Variants in SCHIP1 observed in about 807,000 individuals in gnomAD.
The protein encoded by SCHIP1 is schwannomin interacting protein 1.
Under a neutral mutation model 29.7 loss-of-function variants are expected in SCHIP1, and 8 were observed. That is an observed-to-expected ratio of 0.27 (90% CI 0.16 to 0.49). The LOEUF (loss-of-function observed/expected upper bound fraction) is 0.49. SCHIP1 is among the 20% of genes least tolerant of loss of function. SCHIP1 has a pLI of 0.99. For synonymous variants in SCHIP1, 76 were observed against 94.9 expected, an observed-to-expected ratio of 0.80 and a Z score of 1.16; for missense variants, 193 against 294.6, an observed-to-expected ratio of 0.66 and a Z score of 2.52.
the SCHIP1 span, among the ~76,000 whole-genome samples, chr3:159,476,899 TTCTG>T: frequency 4.6e-5 from 7 of 152,176 alleles, no homozygotes; most frequent in Admixed American, 6.6e-5. Context: ...TCAAAACTTA[TTCTG>T]TCTATCTGAA....
the SCHIP1 span, among the ~76,000 whole-genome samples, chr3:159,439,715 A>ATGGAGTT: frequency 1.3e-5 from 2 of 152,048 alleles, no homozygotes; most frequent in Non-Finnish European, 2.9e-5. Flanking sequence ...TCCTTTCCCC[A>ATGGAGTT]CTTTTTAATG....
the SCHIP1 span, among the ~76,000 whole-genome samples, chr3:159,664,347 G>A: frequency 6.3e-4 from 96 of 152,212 alleles, 1 homozygote; most frequent in South Asian, 0.019. Flanking sequence ...TAATATAGTA[G>A]TTATAGTCCC....
chr3:159,825,238 G>A, the SCHIP1 span, among the ~76,000 whole-genome samples: 1 of 152,092 alleles, frequency 6.6e-6, no homozygotes, highest in African/African-American at 2.4e-5. Flanking sequence ...ATTAAATTGG[G>A]GGCATCTAGT....
At chr3:159,570,784 A>C in the SCHIP1 span, among the ~76,000 whole-genome samples, 2 of 152,182 alleles carry the variant, frequency 1.3e-5, no homozygotes, top group Admixed American at 1.3e-4. Context: ...TGAGCATGGA[A>C]TATTCTTCCA....
the SCHIP1 span, among the ~76,000 whole-genome samples, chr3:159,627,804 T>C: frequency 6.6e-6 from 1 of 152,216 alleles, no homozygotes. Flanking sequence ...GAGAAATTTA[T>C]TGAGGCAATG....
the SCHIP1 span, among the ~76,000 whole-genome samples, chr3:159,324,638 G>A: frequency 6.6e-6 from 1 of 152,060 alleles, no homozygotes; most frequent in East Asian, 1.9e-4. Context: ...ATCAGGCCTG[G>A]GAATGTCTAA....
the SCHIP1 span, among the ~76,000 whole-genome samples, chr3:159,515,557 A>T: frequency 6.6e-6 from 1 of 152,228 alleles, no homozygotes; most frequent in Non-Finnish European, 1.5e-5. Context: ...AAATATATAG[A>T]TTGCTTGCCA....
At chr3:159,273,991 C>T in the SCHIP1 span, 2 of 1,508,638 alleles carry the variant, frequency 1.3e-6, no homozygotes, top group East Asian at 2.5e-5. Flanking sequence ...AAGCTGATGG[C>T]CTTCATTACA....
At chr3:159,274,229 C>T in the SCHIP1 span, 2 of 985,094 alleles carry the variant, frequency 2.0e-6, no homozygotes, top group Non-Finnish European at 2.4e-6. Flanking sequence ...ATCTGTTGCC[C>T]TTTGTATGCA....
chr3:159,623,070 GA>G, the SCHIP1 span, among the ~76,000 whole-genome samples: 1 of 152,146 alleles, frequency 6.6e-6, no homozygotes, highest in Non-Finnish European at 1.5e-5. Flanking sequence ...AACATTGATT[GA>G]ACCATAGTTA....
At chr3:159,812,384 T>C in the SCHIP1 span, among the ~76,000 whole-genome samples, 4 of 152,320 alleles carry the variant, frequency 2.6e-5, no homozygotes, top group East Asian at 7.7e-4. Context: ...CATATTCTTA[T>C]CACCAAATAA....
At chr3:159,483,522 C>T in the SCHIP1 span, among the ~76,000 whole-genome samples, 1 of 152,082 alleles carries the variant, frequency 6.6e-6, no homozygotes, top group Non-Finnish European at 1.5e-5. Flanking sequence ...GCAGGATATG[C>T]ATGCCAACAT....
At chr3:159,692,640 G>C in the SCHIP1 span, among the ~76,000 whole-genome samples, 2 of 152,084 alleles carry the variant, frequency 1.3e-5, no homozygotes, top group Admixed American at 6.5e-5. Flanking sequence ...TTTTATCAAG[G>C]TTCTTAGCTT....
the SCHIP1 span, among the ~76,000 whole-genome samples, chr3:159,554,152 G>T: frequency 6.6e-6 from 1 of 152,176 alleles, no homozygotes; most frequent in Non-Finnish European, 1.5e-5. Context: ...TTACAGGCGT[G>T]AGCCACCTCG....
At chr3:159,330,298 G>A in the SCHIP1 span, among the ~76,000 whole-genome samples, 1 of 152,130 alleles carries the variant, frequency 6.6e-6, no homozygotes. Flanking sequence ...ATGGCATTGT[G>A]TAAGATTGCA....
At chr3:159,504,241 TA>T in the SCHIP1 span, among the ~76,000 whole-genome samples, 1 of 152,194 alleles carries the variant, frequency 6.6e-6, no homozygotes, top group Non-Finnish European at 1.5e-5. Context: ...TTAAGTTCAG[TA>T]CTGGAGATTA....
chr3:159,586,258 G>C, the SCHIP1 span, among the ~76,000 whole-genome samples: 38 of 152,264 alleles, frequency 2.5e-4, no homozygotes, highest in African/African-American at 8.4e-4. Context: ...AAAAGATAAA[G>C]AGCAGCACCA....
At chr3:159,818,005 G>T in the SCHIP1 span, among the ~76,000 whole-genome samples, 1 of 152,188 alleles carries the variant, frequency 6.6e-6, no homozygotes, top group African/African-American at 2.4e-5. Context: ...GCCATCAGCA[G>T]CTGCAGTAGA....
At chr3:159,535,710 T>G in the SCHIP1 span, among the ~76,000 whole-genome samples, 1 of 152,216 alleles carries the variant, frequency 6.6e-6, no homozygotes, top group Non-Finnish European at 1.5e-5. Flanking sequence ...CAGAAGTAGT[T>G]AATTACAATG....
Sources: allele counts gnomAD v4.1 joint callset (sites outside exome capture counted in the v4.1 genomes callset), GRCh38; gene constraint gnomAD v4.1.1; transcripts MANE v1.5; gene names NCBI Gene and HGNC (gene_info 2026-07-23, HGNC 2026-07-21).